The following KDM5A variants were observed in gnomAD, a reference collection of about 807,000 sequenced individuals.
KDM5A encodes the protein lysine demethylase 5A, also known as lysine-specific demethylase 5A.
Under a neutral mutation model 193.5 loss-of-function variants are expected in KDM5A, and 42 were observed. That is an observed-to-expected ratio of 0.22 (90% CI 0.17 to 0.28). KDM5A has a LOEUF of 0.28. Among genes scored for constraint, KDM5A ranks in the 10% least tolerant of loss-of-function variants. The probability of loss-of-function intolerance (pLI) is 1.00; values close to 1 mark genes in which losing one functional copy is unlikely to be tolerated. For synonymous variants in KDM5A, 796 were observed against 718.1 expected (o/e 1.11, Z -1.73); for missense variants, 1,692 against 2,055.1 (o/e 0.82, Z 3.42).
At chr12:336,005 T>C (rs1943927193) in intron 10 of KDM5A, among the ~76,000 whole-genome samples, 1 of 131,096 alleles carries the variant, frequency 7.6e-6, no homozygotes, top group Non-Finnish European at 1.5e-5. Context: ...ATCGCGGCAT[T>C]GCACTCCAGT....
chr12:329,189 C>G (rs1943832050), intron 13 of KDM5A, 160 bp from the exon 14 acceptor site: 1 of 655,064 alleles, frequency 1.5e-6, no homozygotes, highest in African/African-American at 1.8e-5. Context: ...AAATATTAAC[C>G]CTGTAAGACC....
chr12:376,047 A>T (rs1017425829), intron 3 of KDM5A, among the ~76,000 whole-genome samples: 1 of 152,354 alleles, frequency 6.6e-6, no homozygotes, highest in East Asian at 1.9e-4. Flanking sequence ...ATAAGGAGGC[A>T]GTCTGCCCGT....
At position 361,540 on chromosome 12, in the gene KDM5A, G is replaced by T. The variant is rs78511086; in HGVS notation, c.672+1423C>A. On this transcript the variant is annotated intron_variant, in intron 5 of 27. Coordinates refer to ENST00000399788, the MANE Select transcript of KDM5A (RefSeq NM_001042603.3). ...AAAGAAAAGCATTAGGAATAGGCAA[G>T]ACATCTTCATGGTTTCAAGGTGAAC... Among the ~76,000 whole-genome samples, 431 of 152,208 alleles carry T rather than the reference G, an allele frequency of 2.8e-3. 13 individuals carry two copies. In the East Asian group the frequency reaches 0.065, roughly 23 times the overall value.
chr12:365,561 C>T (rs1591934009), intron 4 of KDM5A, among the ~76,000 whole-genome samples: 1 of 152,282 alleles, frequency 6.6e-6, no homozygotes, highest in East Asian at 1.9e-4. Context: ...TGCTCTAAAA[C>T]TGGATCACAG....
At chr12:364,932 C>CATAAACTGGAAACA (rs899645432) in intron 4 of KDM5A, among the ~76,000 whole-genome samples, 4 of 152,078 alleles carry the variant, frequency 2.6e-5, no homozygotes, top group African/African-American at 9.7e-5. Flanking sequence ...TCATAATAGC[C>CATAAACTGGAAACA]ATAAACTGGA....
chr12:288,470 T>C (rs1373604118), intron 27 of KDM5A, among the ~76,000 whole-genome samples: 1 of 152,198 alleles, frequency 6.6e-6, no homozygotes, highest in African/African-American at 2.4e-5. Context: ...AAGAAATATA[T>C]TAAAAAGAGG....
chr12:359,299 G>A (rs1360051680), intron 5 of KDM5A, among the ~76,000 whole-genome samples: 1 of 152,164 alleles, frequency 6.6e-6, no homozygotes, highest in Admixed American at 6.5e-5. Context: ...CACACCGTGT[G>A]CTCACATCAT....
chr12:289,714 CAAAAA>C (rs774919490), intron 27 of KDM5A, among the ~76,000 whole-genome samples: 2 of 79,088 alleles, frequency 2.5e-5, no homozygotes, highest in Non-Finnish European at 5.2e-5. Flanking sequence ...GACCCTGTCT[CAAAAA>C]AAAAAAAAAA....
rs1011330038 is a variant in KDM5A at position 288,229 on chromosome 12, G to A, written c.4867-2567C>T. On this transcript the variant is annotated intron_variant, in intron 27 of 27. Transcript: ENST00000399788. ...AATCCACAGATGATTTTGACACAGG[G>A]GCAACAGACTATGTAGTATCCTGAA... 2.0e-5 allele frequency among the ~76,000 whole-genome samples: 3 copies of A among 152,154 alleles called. No individual in the cohort carries two copies. In the East Asian group the frequency reaches 5.8e-4, roughly 29 times the overall value.
At chr12:372,206 C>T (rs376604035) in intron 3 of KDM5A, among the ~76,000 whole-genome samples, 1 of 152,144 alleles carries the variant, frequency 6.6e-6, no homozygotes, top group Non-Finnish European at 1.5e-5. Flanking sequence ...GCCATTTTCA[C>T]GATAATGATT....
At position 354,221 on chromosome 12, in the gene KDM5A, A is replaced by G. The variant is rs1944200764; in HGVS notation, c.884T>C (p.Val295Ala). 9.3e-6 allele frequency: 15 copies of G among 1,607,890 alleles called. No individual in the cohort carries two copies. The highest frequency in any genetic ancestry group is 5.5e-5 in the South Asian group (5 of 90,818). The change falls in exon 8 of 28, where the codon GTT (valine) becomes GCT (alanine). Residue 295 changes from valine (V) to alanine (A), a missense_variant. Around this residue, in one of 11 missense-constraint regions of KDM5A, gnomAD observed 134 missense variants for 124.2 expected, o/e 1.08. Coordinates refer to ENST00000399788, the MANE Select transcript of KDM5A (RefSeq NM_001042603.3). ...TLSVNFVDLYVCMFCGRGNNE... is the reference protein window; with the variant it reads ...TLSVNFVDLYACMFCGRGNNE... ...GTTTCCCCGACCACAAAACATACAA[A>G]CATAGAGATCAACCTGTTAAAAAAA...
intron 3 of KDM5A, among the ~76,000 whole-genome samples, chr12:370,153 G>A (rs1172189073): frequency 6.6e-6 from 1 of 152,206 alleles, no homozygotes; most frequent in Non-Finnish European, 1.5e-5. Flanking sequence ...AGTACTTTGG[G>A]AGGCCGAGGC....
chr12:368,820 A>T (rs939644987), intron 3 of KDM5A, among the ~76,000 whole-genome samples: 1 of 152,220 alleles, frequency 6.6e-6, no homozygotes, highest in Non-Finnish European at 1.5e-5. Context: ...TCAAAATAGT[A>T]ACAACGGTGC....
intron 27 of KDM5A, among the ~76,000 whole-genome samples, chr12:289,405 ATTAAT>A (rs1234370961): frequency 5.9e-5 from 9 of 152,168 alleles, no homozygotes; most frequent in Admixed American, 3.3e-4. Context: ...TTAGCTTGAC[ATTAAT>A]TTAATAATCA....
At chr12:296,338 AAG>A (rs1351887845) in intron 25 of KDM5A, among the ~76,000 whole-genome samples, 1 of 151,840 alleles carries the variant, frequency 6.6e-6, no homozygotes, top group East Asian at 1.9e-4. Flanking sequence ...AAAAAAAAAA[AAG>A]TGGTTCTTTA....
At chr12:353,324 G>A (rs1056566280) in intron 8 of KDM5A, among the ~76,000 whole-genome samples, 1 of 152,008 alleles carries the variant, frequency 6.6e-6, no homozygotes, top group African/African-American at 2.4e-5. Flanking sequence ...GCTGTAGACC[G>A]TCTCAAAAAA....
intron 24 of KDM5A, among the ~76,000 whole-genome samples, chr12:302,544 GT>G (rs1943456300): frequency 6.6e-6 from 1 of 152,062 alleles, no homozygotes; most frequent in Non-Finnish European, 1.5e-5. Context: ...AGACTTAAAG[GT>G]AAGACCTAAA....
At chr12:360,911 C>T (rs1313168788) in intron 5 of KDM5A, among the ~76,000 whole-genome samples, 2 of 151,990 alleles carry the variant, frequency 1.3e-5, no homozygotes, top group African/African-American at 4.8e-5. Flanking sequence ...GAGGGATTAT[C>T]CTTGAAGAGA....
intron 19 of KDM5A, among the ~76,000 whole-genome samples, 192 bp from the exon 20 acceptor site, chr12:313,386 T>C (rs1262035301): frequency 6.6e-6 from 1 of 152,184 alleles, no homozygotes; most frequent in Non-Finnish European, 1.5e-5. Flanking sequence ...AGAAAAGGTA[T>C]AAACATAAGT....
Sources: allele counts gnomAD v4.1 joint callset (sites outside exome capture counted in the v4.1 genomes callset), GRCh38; gene constraint gnomAD v4.1.1; regional missense constraint gnomAD v4.1.1; transcripts MANE v1.5; gene names NCBI Gene and HGNC (gene_info 2026-07-23, HGNC 2026-07-21).